The following ATP1B3 variants were observed in gnomAD, a reference collection of about 807,000 sequenced individuals.
ATP1B3 encodes the protein ATPase Na+/K+ transporting subunit beta 3, also known as sodium/potassium-transporting ATPase subunit beta-3.
ATP1B3 carries 10 observed loss-of-function variants against 30.2 expected under a neutral mutation model. The ratio of observed to expected loss-of-function variants is 0.33; its 90% CI spans 0.20 to 0.56. The LOEUF (loss-of-function observed/expected upper bound fraction) is 0.56. Among genes scored for constraint, ATP1B3 ranks in the 20% least tolerant of loss-of-function variants. The pLI, the probability that ATP1B3 is intolerant of heterozygous loss-of-function variation, is 0.90. For synonymous variants in ATP1B3, 113 were observed against 117.0 expected (o/e 0.97, Z 0.22); for missense variants, 238 against 336.7 (o/e 0.71, Z 2.29).
At chr3:141,909,989 T>C (rs1934331968) in intron 3 of ATP1B3, among the ~76,000 whole-genome samples, 2 of 152,146 alleles carry the variant, frequency 1.3e-5, no homozygotes, top group African/African-American at 4.8e-5. Flanking sequence ...TTCTTTCCTT[T>C]GTCTATTTGT....
chr3:141,885,077 C>G (rs1349102346), intron 1 of ATP1B3, among the ~76,000 whole-genome samples: 2 of 152,144 alleles, frequency 1.3e-5, no homozygotes, highest in Non-Finnish European at 2.9e-5. Flanking sequence ...TCCCTTCCTT[C>G]CCTGAGGTTC....
At chr3:141,910,653 G>A (rs969402845) in intron 3 of ATP1B3, among the ~76,000 whole-genome samples, 3 of 151,976 alleles carry the variant, frequency 2.0e-5, no homozygotes, top group African/African-American at 4.8e-5. Flanking sequence ...CCTTCCTGGA[G>A]CCCTTTCCCT....
chr3:141,879,947 A>AG (rs1193230327), intron 1 of ATP1B3, among the ~76,000 whole-genome samples: 10 of 149,850 alleles, frequency 6.7e-5, no homozygotes, highest in Admixed American at 6.0e-4. Context: ...TATTTGTTGT[A>AG]GGGGGTGGAA....
intron 1 of ATP1B3, among the ~76,000 whole-genome samples, chr3:141,894,517 T>C (rs1206585892): frequency 3.9e-5 from 6 of 152,330 alleles, no homozygotes; most frequent in African/African-American, 1.4e-4. Flanking sequence ...TACAGCTGCA[T>C]AAAAATATTT....
At chr3:141,921,885 C>A in intron 5 of ATP1B3, 92 bp from the exon 6 acceptor site, 2 of 641,496 alleles carry the variant, frequency 3.1e-6, no homozygotes, top group Non-Finnish European at 5.2e-6. Flanking sequence ...TTTCTGCAAA[C>A]TGTTCATGAT....
chr3:141,919,879 T>C (rs1934536168), intron 5 of ATP1B3, among the ~76,000 whole-genome samples: 1 of 151,804 alleles, frequency 6.6e-6, no homozygotes, highest in Admixed American at 6.6e-5. Flanking sequence ...GCAGAGGTTG[T>C]AGTGAGCCAT....
At chr3:141,908,337 G>A (rs773384845) in intron 3 of ATP1B3, among the ~76,000 whole-genome samples, 1 of 152,002 alleles carries the variant, frequency 6.6e-6, no homozygotes, top group Admixed American at 6.6e-5. Flanking sequence ...AGTAATCATC[G>A]AATGTCCTGG....
At chr3:141,922,187 G>A in intron 6 of ATP1B3, 124 bp downstream of exon 6, 1 of 590,954 alleles carries the variant, frequency 1.7e-6, no homozygotes. Context: ...ATCTATTCAG[G>A]TTTTGTTTTA....
intron 1 of ATP1B3, among the ~76,000 whole-genome samples, chr3:141,882,934 A>C (rs570943846): frequency 1.3e-5 from 2 of 152,110 alleles, no homozygotes; most frequent in African/African-American, 4.8e-5. Context: ...AGAAATCTCC[A>C]GTTGGATGTT....
chr3:141,892,098 A>T (rs1933965558), intron 1 of ATP1B3, among the ~76,000 whole-genome samples: 2 of 151,974 alleles, frequency 1.3e-5, no homozygotes, highest in South Asian at 4.1e-4. Flanking sequence ...GTTTCTGGAG[A>T]GGTATGTTAA....
chr3:141,901,830 T>C (rs1400015761), intron 1 of ATP1B3, among the ~76,000 whole-genome samples: 1 of 152,230 alleles, frequency 6.6e-6, no homozygotes, highest in Admixed American at 6.5e-5. Context: ...ATTAAACTCT[T>C]AGCAATTTTG....
chr3:141,908,001 T>C (rs1476306377), intron 3 of ATP1B3, among the ~76,000 whole-genome samples: 4 of 151,744 alleles, frequency 2.6e-5, no homozygotes, highest in Admixed American at 2.6e-4. Flanking sequence ...TATACATTTA[T>C]GTTGAATTTG....
At chr3:141,919,046 A>G (rs1317034519) in intron 5 of ATP1B3, 1 of 152,262 alleles carries the variant, frequency 6.6e-6, no homozygotes, top group Non-Finnish European at 1.5e-5. Context: ...GTTAGAACCC[A>G]TAAATTTTAG....
chr3:141,925,054 CAG>C (rs1934631936), intron 6 of ATP1B3, among the ~76,000 whole-genome samples: 2 of 152,074 alleles, frequency 1.3e-5, no homozygotes, highest in Admixed American at 6.5e-5. Context: ...CACTTGAGCT[CAG>C]GGGCATGAGC....
Position 141,925,638 on chromosome 3 carries a change from A to G in ATP1B3, c.777A>G (p.Lys259=). Residue 259 remains lysine, a synonymous_variant, in exon 7 of 7, where the codon AAA becomes AAG. Coordinates refer to ENST00000286371, the MANE Select transcript of ATP1B3 (RefSeq NM_001679.4). ...AGATTGATGGATCAGCCAACCTAAA[A>G]AGTCAGGATGATCGTGACAAGTTTT... ...ECKIDGSANL[K]SQDDRDKFLG... is the part of the protein sequence containing the mutation. 1 of 1,613,344 alleles carries G rather than the reference A, an allele frequency of 6.2e-7. No individual in the cohort carries two copies. The highest frequency in any genetic ancestry group is 8.5e-7 in the Non-Finnish European group (1 of 1,179,870).
chr3:141,907,346 A>G lies in ATP1B3; in HGVS notation c.346+72A>G, dbSNP rs185490141. ...ATTAGTACCAAATTGTGGGCCGGGC[A>G]CGGTAGCTCACGCCTGTAATCCCAG... is the stretch of plus-strand genomic sequence containing the variant. On this transcript the variant is annotated intron_variant, in intron 3 of 6. Transcript: ENST00000286371. The G allele has an allele frequency of 3.7e-4, 422 of 1,146,430 alleles. 3 individuals are homozygous for G. In the African/African-American group the frequency reaches 6.5e-3, roughly 18 times the overall value. The allele number at this position is 1,146,430 out of a possible 1,614,324, so 71.0% of individuals were successfully genotyped here. A position where few individuals can be genotyped will look rare whatever the true frequency, so the allele number is the denominator to read the frequency against.
chr3:141,886,753 T>G (rs899678135), intron 1 of ATP1B3, among the ~76,000 whole-genome samples: 15 of 152,206 alleles, frequency 9.9e-5, no homozygotes, highest in African/African-American at 3.4e-4. Flanking sequence ...AGCCCAGCAC[T>G]TTGGGAGGCC....
chr3:141,911,416 ATTGGAC>A (rs1934357763), intron 3 of ATP1B3, among the ~76,000 whole-genome samples: 1 of 151,778 alleles, frequency 6.6e-6, no homozygotes, highest in East Asian at 1.9e-4. Context: ...GCAGATACTA[ATTGGAC>A]TTAAAAAGTT....
chr3:141,901,070 A>G (rs111243185), intron 1 of ATP1B3, among the ~76,000 whole-genome samples: 1 of 152,234 alleles, frequency 6.6e-6, no homozygotes, highest in South Asian at 2.1e-4. Flanking sequence ...GGCGTGAGCC[A>G]CTGCACCTGG....
Sources: gnomAD v4.1 joint callset for allele counts (sites outside exome capture counted in the v4.1 genomes callset) on GRCh38, gnomAD v4.1.1 for gene constraint, MANE v1.5 for transcripts, NCBI Gene and HGNC (gene_info 2026-07-23, HGNC 2026-07-21) for gene names.